VPS8: variants seen among roughly 807,000 people sequenced by gnomAD.
The protein encoded by VPS8 is VPS8 subunit of CORVET complex, also known as vacuolar protein sorting-associated protein 8 homolog.
VPS8 carries 129 observed loss-of-function variants against 216.4 expected under a neutral mutation model. The ratio of observed to expected loss-of-function variants is 0.60; its 90% CI spans 0.52 to 0.69. The LOEUF (loss-of-function observed/expected upper bound fraction) is 0.69. VPS8 is among the 30% of genes least tolerant of loss of function. The probability of loss-of-function intolerance (pLI) is 0.00; values close to 1 mark genes in which losing one functional copy is unlikely to be tolerated. For missense variants in VPS8, 1,531 were observed against 1,683.5 expected (o/e 0.91, Z 1.59); for synonymous variants, 571 against 565.4 (o/e 1.01, Z -0.14).
At position 185,020,815 on chromosome 3, in the gene VPS8, G is replaced by A. The variant is rs370925969; in HGVS notation, c.4003-3521G>A. Among the ~76,000 whole-genome samples, 578 of 152,318 alleles carry A rather than the reference G, an allele frequency of 3.8e-3. 3 individuals carry two copies. The highest frequency in any genetic ancestry group is 0.013 in the African/African-American group (555 of 41,578). ...AAGCCAGCTGTGGTGGCTCACGCCT[G>A]TAATTCCAACATTTTGGGAGGCCAA... On this transcript the variant is annotated intron_variant, in intron 45 of 47. Coordinates refer to ENST00000625842, the MANE Select transcript of VPS8 (RefSeq NM_001009921.3).
intron 42 of VPS8, among the ~76,000 whole-genome samples, chr3:184,984,296 T>C (rs1750725695): frequency 1.9e-4 from 1 of 5,340 alleles, no homozygotes; most frequent in East Asian, 0.019. Flanking sequence ...TTTAGAATAC[T>C]TTTTTTTTTT....
chr3:184,834,978 A>G, intron 5 of VPS8: 1 of 354,332 alleles, frequency 2.8e-6, no homozygotes. Flanking sequence ...CTGTGCCTAA[A>G]TGAAATATGG....
intron 21 of VPS8, among the ~76,000 whole-genome samples, chr3:184,874,447 C>G (rs564689801): frequency 6.6e-6 from 1 of 152,216 alleles, no homozygotes; most frequent in East Asian, 1.9e-4. Flanking sequence ...ACTGGCCTGT[C>G]AAATCTAGGT....
At position 184,898,674 on chromosome 3, in the gene VPS8, G is replaced by C; in HGVS notation, c.2094+20G>C. On this transcript the variant is annotated intron_variant, in intron 24 of 47. Transcript: ENST00000625842. ...ATGGAGGTAAGATACTTCCTAACTTGGATACGTAATTAATTTTGTCTACTA... is the reference window on the plus strand; with the variant it reads ...ATGGAGGTAAGATACTTCCTAACTTCGATACGTAATTAATTTTGTCTACTA... The C allele has an allele frequency of 6.6e-7, 1 of 1,507,470 alleles. No homozygotes were observed. The highest frequency in any genetic ancestry group is 2.5e-5 in the East Asian group (1 of 39,896). The allele number at this position is 1,507,470 out of a possible 1,614,324, so 93.4% of individuals were successfully genotyped here.
chr3:184,937,802 G>C (rs1396844451), intron 35 of VPS8, among the ~76,000 whole-genome samples: 2 of 152,186 alleles, frequency 1.3e-5, no homozygotes, highest in Non-Finnish European at 2.9e-5. Context: ...ACGTCAGCAG[G>C]GGGTGATGGT....
At chr3:185,033,790 T>A (rs896679126) in intron 46 of VPS8, among the ~76,000 whole-genome samples, 3 of 152,232 alleles carry the variant, frequency 2.0e-5, no homozygotes, top group African/African-American at 7.2e-5. Context: ...TTTGGTGTTG[T>A]GGTGGTGTCA....
At chr3:184,960,881 C>T (rs1350589036) in intron 37 of VPS8, among the ~76,000 whole-genome samples, 1 of 152,190 alleles carries the variant, frequency 6.6e-6, no homozygotes, top group Non-Finnish European at 1.5e-5. Context: ...TTTATACCTA[C>T]TAAGTGGTAG....
rs754014607 is a variant in VPS8, at chr3:184,849,180, C to G, written c.651C>G (p.Gly217=). ...INNDCSRLLC[G]FAKGQITMWD... Reference sequence around the variant, plus strand: ...ATGATTGCTCAAGACTTCTTTGTGGCTTTGCTAAAGGACAGGTAAGATATG... The same window carrying G: ...ATGATTGCTCAAGACTTCTTTGTGGGTTTGCTAAAGGACAGGTAAGATATG... The change falls in exon 9 of 48, where the codon GGC becomes GGG. Residue 217 remains glycine, a synonymous_variant. Coordinates refer to ENST00000625842, the MANE Select transcript of VPS8 (RefSeq NM_001009921.3). The G allele has an allele frequency of 5.0e-6, 8 of 1,613,228 alleles. No individual in the cohort carries two copies. The Admixed American group carries it at 5.0e-5, about 10-fold the overall frequency.
chr3:185,026,701 C>CTTT (rs1165255623), intron 46 of VPS8, among the ~76,000 whole-genome samples: 60 of 85,960 alleles, frequency 7.0e-4, no homozygotes, highest in Non-Finnish European at 8.4e-4. Flanking sequence ...GAGCCACTGT[C>CTTT]TTTTTTTTTT....
intron 1 of VPS8, among the ~76,000 whole-genome samples, chr3:184,814,873 T>C (rs1715966801): frequency 6.6e-6 from 1 of 152,256 alleles, no homozygotes; most frequent in Admixed American, 6.5e-5. Context: ...AACTTTTTAA[T>C]TTAAAAAAGT....
chr3:184,855,882 A>G (rs1725158635), intron 14 of VPS8, 64 bp downstream of exon 14: 3 of 1,299,758 alleles, frequency 2.3e-6, no homozygotes, highest in Admixed American at 4.2e-5. Flanking sequence ...GCAATTAATA[A>G]TGTGTCAGAG....
intron 1 of VPS8, chr3:184,824,315 G>A (rs1718241871): frequency 8.8e-6 from 2 of 226,100 alleles, no homozygotes; most frequent in South Asian, 1.0e-4. Flanking sequence ...TTTGGGTGGC[G>A]GGCCACTTCC....
At chr3:185,021,856 T>C (rs1756707217) in intron 45 of VPS8, among the ~76,000 whole-genome samples, 1 of 152,230 alleles carries the variant, frequency 6.6e-6, no homozygotes. Flanking sequence ...TAGTCTCTTA[T>C]AATTAGGCAG....
Position 184,865,636 on chromosome 3 carries a change from T to C in VPS8, c.1396-1240T>C, listed in dbSNP as rs1049466975. Among the ~76,000 whole-genome samples the C allele has an allele frequency of 4.6e-5, 7 of 152,344 alleles. No homozygotes were observed. In the Middle Eastern group the frequency reaches 0.014, roughly 296 times the overall value. On this transcript the variant is annotated intron_variant, in intron 16 of 47. Coordinates refer to ENST00000625842, the MANE Select transcript of VPS8 (RefSeq NM_001009921.3). ...CGATATTGGAAGCCTCATACATTGA[T>C]GGTGGGAAACTAAAATGGCGCAAAT...
At chr3:184,929,752 C>T in intron 33 of VPS8, 88 bp downstream of exon 33, 1 of 756,072 alleles carries the variant, frequency 1.3e-6, no homozygotes, top group Non-Finnish European at 2.0e-6. Flanking sequence ...AATATTTGCG[C>T]ATGTGTATGA....
intron 29 of VPS8, 83 bp from the exon 30 acceptor site, chr3:184,924,779 C>G: frequency 1.4e-6 from 2 of 1,465,584 alleles, no homozygotes; most frequent in Non-Finnish European, 1.8e-6. Flanking sequence ...AGTCATGAGG[C>G]TATCCCGTCT....
At chr3:184,973,177 A>C (rs147275572) in intron 40 of VPS8, among the ~76,000 whole-genome samples, 4 of 152,360 alleles carry the variant, frequency 2.6e-5, no homozygotes, top group South Asian at 2.1e-4. Flanking sequence ...AAATCATGAA[A>C]TATAGAAAGT....
chr3:184,828,659 T>A (rs1487838659), intron 3 of VPS8, among the ~76,000 whole-genome samples: 1 of 152,230 alleles, frequency 6.6e-6, no homozygotes, highest in Non-Finnish European at 1.5e-5. Flanking sequence ...TGACCCTTTC[T>A]AATCTCCCAG....
chr3:184,864,438 T>C (rs1726961413), intron 16 of VPS8, among the ~76,000 whole-genome samples: 1 of 152,292 alleles, frequency 6.6e-6, no homozygotes, highest in East Asian at 1.9e-4. Context: ...AGAGTCCCTC[T>C]TGAGTGTTCC....
Sources: allele counts gnomAD v4.1 joint callset (sites outside exome capture counted in the v4.1 genomes callset), GRCh38; gene constraint gnomAD v4.1.1; transcripts MANE v1.5; gene names NCBI Gene and HGNC (gene_info 2026-07-23, HGNC 2026-07-21).